Variants in TMEM250 observed in about 807,000 individuals in gnomAD.
TMEM250 encodes the protein herpes virus UL25-binding protein.
TMEM250 carries 7 observed loss-of-function variants against 7.0 expected under a neutral mutation model. The ratio of observed to expected loss-of-function variants is 1.00; its 90% CI spans 0.57 to 1.87. The LOEUF is 1.87. Ranked by LOEUF, TMEM250 falls within the 40% of genes most tolerant of loss-of-function variation. The pLI is 0.00. For missense variants in TMEM250, 196 were observed against 202.5 expected, an observed-to-expected ratio of 0.97 and a Z score of 0.19; for synonymous variants, 135 against 96.7, an observed-to-expected ratio of 1.40 and a Z score of -2.32.
chr9:136,116,506 C>T lies in TMEM250; in HGVS notation c.395G>A (p.Cys132Tyr), dbSNP rs1392729260. 1.9e-6 allele frequency: 3 copies of T among 1,564,812 alleles called. No homozygotes were observed. The highest frequency in any genetic ancestry group is 2.7e-5 in the African/African-American group (2 of 74,214). ...TCACATGTCCACGAAGACCATGAAG[C>T]ACCAGCCCAGGCCCCCGACCAGCAG... ...TMLLVGGLGW[C>Y]FMVFVDM Residue 132 changes from cysteine to tyrosine, a missense_variant, in exon 2 of 2, where the codon TGC becomes TAC. By Grantham distance (194) the Cys-to-Tyr change is radical. Transcript: ENST00000418388.
At chr9:136,118,042 C>A (rs1381789483) in intron 1 of TMEM250, 2 of 152,208 alleles carry the variant, frequency 1.3e-5, no homozygotes, top group South Asian at 4.1e-4. Context: ...CCGGGGCCGC[C>A]TGACCCTCCC....
chr9:136,117,049 C>T lies in TMEM250; in HGVS notation c.-124-25G>A, dbSNP rs552640540. 37 of 1,297,928 alleles carry T rather than the reference C, an allele frequency of 2.9e-5. No homozygotes were observed. The East Asian group carries it at 1.0e-3, about 36-fold the overall frequency. 80.4% of individuals were successfully genotyped at this position (1,297,928 alleles called of 1,614,324 possible). On this transcript the variant is annotated intron_variant, in intron 1 of 1. Transcript: ENST00000418388. Reference sequence around the variant, plus strand: ...CCTGCGGGGAGAGCCGCAAAACCCACGTCAGTATGAGGACACCATGCGGAT... The same window carrying T: ...CCTGCGGGGAGAGCCGCAAAACCCATGTCAGTATGAGGACACCATGCGGAT...
In TMEM250 at chr9:136,114,962, T is replaced by C. The variant is rs949637950; in HGVS notation, c.*1519A>G. ...GTCATCCACAGAAGCTGCCGATAAATTAGAGAGCACGGTTTACGGCCAGAG... is the reference window on the plus strand; with the variant it reads ...GTCATCCACAGAAGCTGCCGATAAACTAGAGAGCACGGTTTACGGCCAGAG... On this transcript the variant is annotated 3_prime_UTR_variant, in exon 2 of 2. Transcript: ENST00000418388. 1 of 152,176 alleles carries C rather than the reference T, an allele frequency of 6.6e-6. No homozygotes were observed. The highest frequency in any genetic ancestry group is 1.5e-5 in the Non-Finnish European group (1 of 68,028). The allele number at this position is 152,176 out of a possible 1,614,324, so 9.4% of individuals were successfully genotyped here.
Position 136,116,102 on chromosome 9 carries a change from C to A in TMEM250, c.*379G>T. 2.4e-6 allele frequency: 1 copy of A among 425,212 alleles called. No individual in the cohort carries two copies. The highest frequency in any genetic ancestry group is 4.1e-6 in the Non-Finnish European group (1 of 241,968). 26.3% of individuals were successfully genotyped at this position (425,212 alleles called of 1,614,324 possible). On this transcript the variant is annotated 3_prime_UTR_variant, in exon 2 of 2. Transcript: ENST00000418388. ...GCCCCCCTCCGGAATTGCTCCTGGG[C>A]ACACAGCCCTCTGTGTCCAGGGGCC...
chr9:136,116,334 A>G lies in TMEM250; in HGVS notation c.*147T>C. 1.4e-6 allele frequency: 2 copies of G among 1,419,466 alleles called. No homozygotes were observed. Among genetic ancestry groups the G allele is most frequent in the Non-Finnish European group, 1.8e-6 (2 of 1,086,502 alleles). The allele number at this position is 1,419,466 out of a possible 1,614,324, so 87.9% of individuals were successfully genotyped here. ...GTGGTGTCCGCGCCCCCATCACAGA[A>G]GTCTCAGCCCTTTCTTTTCTCTCCG... is the stretch of plus-strand genomic sequence containing the variant. On this transcript the variant is annotated 3_prime_UTR_variant, in exon 2 of 2. Transcript: ENST00000418388.
intron 1 of TMEM250, among the ~76,000 whole-genome samples, chr9:136,117,712 C>CTTTGTGG (rs571296422): frequency 3.8e-4 from 58 of 152,334 alleles, no homozygotes; most frequent in African/African-American, 1.4e-3. Flanking sequence ...GCCAATAGCA[C>CTTTGTGG]TGCCTTTGTG....
chr9:136,117,045 C>T, intron 1 of TMEM250, 21 bp from the exon 2 acceptor site: 1 of 1,313,752 alleles, frequency 7.6e-7, no homozygotes, highest in Non-Finnish European at 9.8e-7. Context: ...AGCCGCAAAA[C>T]CCACGTCAGT....
In TMEM250 at chr9:136,116,759, G is replaced by A; in HGVS notation, c.142C>T (p.Arg48Cys). ...YNNFDVYIKT[R>C]WLYGFIRFLL... ...AAGCGGATGAAGCCGTACAGCCAGC[G>A]CGTCTTGATGTACACGTCGAAGTTG... The change falls in exon 2 of 2, where the codon CGC becomes TGC. Residue 48 changes from arginine to cysteine, a missense_variant. Physicochemically the swap from Arg to Cys is radical, Grantham distance 180. Transcript: ENST00000418388. The A allele has an allele frequency of 1.9e-6, 3 of 1,612,514 alleles. No homozygotes were observed. Among genetic ancestry groups the A allele is most frequent in the Non-Finnish European group, 2.5e-6 (3 of 1,179,726 alleles).
chr9:136,118,329 CG>C (rs1830756001), intron 1 of TMEM250, 155 bp downstream of exon 1: 1 of 152,144 alleles, frequency 6.6e-6, no homozygotes. Context: ...AGAGACGCAA[CG>C]GGCCCCGGCC....
At position 136,116,544 on chromosome 9, in the gene TMEM250, G is replaced by C. The variant is rs1231099587; in HGVS notation, c.357C>G (p.Ile119Met). Residue 119 changes from isoleucine to methionine, a missense_variant, in exon 2 of 2, where the codon ATC becomes ATG. Ile to Met is a conservative substitution (Grantham distance 10). Transcript: ENST00000418388. Reference protein sequence around the residue: ...RLVNELLVYGIHVTMLLVGGL... With the variant: ...RLVNELLVYGMHVTMLLVGGL... ...CCCCGACCAGCAGCATGGTGACGTG[G>C]ATGCCATAGACGAGCAGCTCGTTCA... The C allele has an allele frequency of 8.8e-6, 14 of 1,595,026 alleles. No individual in the cohort carries two copies. The highest frequency in any genetic ancestry group is 2.2e-5 in the East Asian group (1 of 44,672).
Position 136,114,819 on chromosome 9 carries a change from T to G in TMEM250, c.*1662A>C, listed in dbSNP as rs1202873839. On this transcript the variant is annotated 3_prime_UTR_variant, in exon 2 of 2. Transcript: ENST00000418388. ...TAATACGTTAACAAAAAACAAAGCT[T>G]CTTTGAGGAAACAGCATGACTTAGT... 6.6e-6 allele frequency: 1 copy of G among 152,052 alleles called. No individual in the cohort carries two copies. The highest frequency in any genetic ancestry group is 1.5e-5 in the Non-Finnish European group (1 of 68,018). The allele number at this position is 152,052 out of a possible 1,614,324, so 9.4% of individuals were successfully genotyped here.
chr9:136,116,454 G>C lies in TMEM250; in HGVS notation c.*27C>G. The C allele has an allele frequency of 6.7e-7, 1 of 1,502,366 alleles. No homozygotes were observed. Among genetic ancestry groups the C allele is most frequent in the Non-Finnish European group, 8.9e-7 (1 of 1,126,372 alleles). The allele number at this position is 1,502,366 out of a possible 1,614,324, so 93.1% of individuals were successfully genotyped here. A position where few individuals can be genotyped will look rare whatever the true frequency, so the allele number is the denominator to read the frequency against. On this transcript the variant is annotated 3_prime_UTR_variant, in exon 2 of 2. Transcript: ENST00000418388. Reference sequence around the variant, plus strand: ...AGAGAACACAGCCACAGGCCGGGACGATACATCAAGCTCGCACCCACGGCC... The same window carrying C: ...AGAGAACACAGCCACAGGCCGGGACCATACATCAAGCTCGCACCCACGGCC...
chr9:136,116,241 CACCGGCAGG>C lies in TMEM250; in HGVS notation c.*231_*239del. On this transcript the variant is annotated 3_prime_UTR_variant, in exon 2 of 2. Coordinates refer to ENST00000418388, the MANE Select transcript of TMEM250 (RefSeq NM_152833.3). Reference sequence around the variant, plus strand: ...GACCCGAAGACATGTGAGCAGGAGCCACCGGCAGGTGGGCGCTGCCCCTGAGAGTGCATA... The same window carrying C: ...GACCCGAAGACATGTGAGCAGGAGCCTGGGCGCTGCCCCTGAGAGTGCATA... 1 of 749,530 alleles carries C rather than the reference CACCGGCAGG, an allele frequency of 1.3e-6. No individual in the cohort carries two copies. The highest frequency in any genetic ancestry group is 2.1e-6 in the Non-Finnish European group (1 of 487,362). 46.4% of individuals were successfully genotyped at this position (749,530 alleles called of 1,614,324 possible).
chr9:136,117,318 C>T (rs1255745515), intron 1 of TMEM250, among the ~76,000 whole-genome samples: 3 of 152,192 alleles, frequency 2.0e-5, no homozygotes, highest in African/African-American at 7.2e-5. Flanking sequence ...AATGCCAAAA[C>T]GGATGGGAAG....
rs185051077 is a variant in TMEM250, at chr9:136,116,768, T to C, written c.133A>G (p.Ile45Val). ...AAGCCGTACAGCCAGCGCGTCTTGA[T>C]GTACACGTCGAAGTTGTTGTACTTG... ...RTKYNNFDVYIKTRWLYGFIR... is the reference protein window; with the variant it reads ...RTKYNNFDVYVKTRWLYGFIR... The change falls in exon 2 of 2, where the codon ATC becomes GTC. Residue 45 changes from isoleucine (I) to valine (V), a missense_variant. Coordinates refer to ENST00000418388, the MANE Select transcript of TMEM250 (RefSeq NM_152833.3). The C allele has an allele frequency of 4.4e-3, 7,118 of 1,612,442 alleles. 22 individuals carry two copies. Among genetic ancestry groups the C allele is most frequent in the Non-Finnish European group, 5.6e-3 (6,573 of 1,179,708 alleles).
chr9:136,116,777 C>CG lies in TMEM250; in HGVS notation c.123dup (p.Asp42ArgfsTer20). ...AGCCAGCGCGTCTTGATGTACACGT[C>CG]GAAGTTGTTGTACTTGGTGCGGGCC... On this transcript the variant is annotated frameshift_variant, in exon 2 of 2. Coordinates refer to ENST00000418388, the MANE Select transcript of TMEM250 (RefSeq NM_152833.3). LOFTEE classifies it high-confidence loss of function. 4 of 1,612,324 alleles carry CG rather than the reference C, an allele frequency of 2.5e-6. No individual in the cohort carries two copies. Among genetic ancestry groups the CG allele is most frequent in the Non-Finnish European group, 3.4e-6 (4 of 1,179,712 alleles).
chr9:136,116,585 C>A lies in TMEM250; in HGVS notation c.316G>T (p.Val106Leu). ...AGCTCGTTCACCAGGCGGAAGTCCACGCGCCGGCGGCCCAGCAGCAGCAGC... is the reference window on the plus strand; with the variant it reads ...AGCTCGTTCACCAGGCGGAAGTCCAAGCGCCGGCGGCCCAGCAGCAGCAGC... Reference protein sequence around the residue: ...VLLLLLGRRRVDFRLVNELLV... With the variant: ...VLLLLLGRRRLDFRLVNELLV... Residue 106 changes from valine to leucine, a missense_variant, in exon 2 of 2, where the codon GTG becomes TTG. Physicochemically the swap from Val to Leu is conservative, Grantham distance 32. Transcript: ENST00000418388. 6.2e-7 allele frequency: 1 copy of A among 1,601,798 alleles called. No individual in the cohort carries two copies. Among genetic ancestry groups the A allele is most frequent in the Non-Finnish European group, 8.5e-7 (1 of 1,179,516 alleles).
chr9:136,116,821 G>A lies in TMEM250; in HGVS notation c.80C>T (p.Pro27Leu). 1 of 1,610,294 alleles carries A rather than the reference G, an allele frequency of 6.2e-7. No individual in the cohort carries two copies. Among genetic ancestry groups the A allele is most frequent in the Non-Finnish European group, 8.5e-7 (1 of 1,179,160 alleles). The change falls in exon 2 of 2, where the codon CCC becomes CTC. Residue 27 changes from proline to leucine, a missense_variant. By Grantham distance (98) the Pro-to-Leu change is moderately conservative. Transcript: ENST00000418388. ...GCGGGCCAGGTGGGAGGCGCGCACG[G>A]GCCCGCAGGCCGCATGCAGGCAGGT... ...HTTCLHAACG[P>L]VRASHLARTK...
At chr9:136,117,656 C>A (rs932029128) in intron 1 of TMEM250, among the ~76,000 whole-genome samples, 2 of 152,240 alleles carry the variant, frequency 1.3e-5, no homozygotes, top group Non-Finnish European at 2.9e-5. Context: ...TGACTTTGGG[C>A]AGGTCACCTG....
Sources: gnomAD v4.1 joint callset for allele counts (sites outside exome capture counted in the v4.1 genomes callset) on GRCh38, gnomAD v4.1.1 for gene constraint, MANE v1.5 for transcripts, NCBI Gene and HGNC (gene_info 2026-07-23, HGNC 2026-07-21) for gene names.